Variants in SPIDR observed in about 807,000 individuals in gnomAD.
SPIDR encodes DNA repair-scaffolding protein.
A neutral mutation model predicts 104.6 loss-of-function variants in SPIDR; 93 were observed. That is an observed-to-expected ratio of 0.89 (90% confidence interval 0.75 to 1.06). The LOEUF (loss-of-function observed/expected upper bound fraction) is 1.06, where lower values mean the gene tolerates loss of function less well. SPIDR is among the 50% of genes least tolerant of loss of function. SPIDR has a pLI of 0.00. For synonymous variants in SPIDR, 431 were observed against 416.9 expected, an observed-to-expected ratio of 1.03 and a Z score of -0.41; for missense variants, 1,154 against 1,111.2, an observed-to-expected ratio of 1.04 and a Z score of -0.55.
At chr8:47,554,153 C>G (rs1212336299) in intron 8 of SPIDR, among the ~76,000 whole-genome samples, 1 of 152,182 alleles carries the variant, frequency 6.6e-6, no homozygotes, top group Non-Finnish European at 1.5e-5. Context: ...AGGTTTCAGT[C>G]TGCCCCTACT....
At chr8:47,730,512 G>A (rs559789908) in intron 19 of SPIDR, among the ~76,000 whole-genome samples, 14 of 152,338 alleles carry the variant, frequency 9.2e-5, no homozygotes, top group Admixed American at 3.3e-4. Context: ...TGGGGAGGCC[G>A]ATCATGCCTG....
chr8:47,710,470 C>CTT (rs879756213), intron 14 of SPIDR, among the ~76,000 whole-genome samples: 21 of 142,958 alleles, frequency 1.5e-4, no homozygotes, highest in African/African-American at 3.8e-4. Flanking sequence ...AAATATTCAC[C>CTT]TTTTTTTTTT....
intron 10 of SPIDR, among the ~76,000 whole-genome samples, chr8:47,626,827 T>C (rs1162473954): frequency 6.6e-6 from 1 of 152,180 alleles, no homozygotes; most frequent in African/African-American, 2.4e-5. Context: ...GAAGTCAGTG[T>C]GGCGATTCCT....
At chr8:47,454,471 C>G (rs961192443) in intron 8 of SPIDR, among the ~76,000 whole-genome samples, 15 of 150,882 alleles carry the variant, frequency 9.9e-5, no homozygotes, top group African/African-American at 2.9e-4. Flanking sequence ...ACACCAGGGC[C>G]TGTGGTGGGG....
intron 9 of SPIDR, 90 bp from the exon 10 acceptor site, chr8:47,598,849 AAGGATGT>A: frequency 6.7e-7 from 1 of 1,491,994 alleles, no homozygotes; most frequent in Non-Finnish European, 9.2e-7. Context: ...GTGGCTGCTT[AAGGATGT>A]CATTATTTGG....
rs1317837255 is a variant in SPIDR at position 47,386,906 on chromosome 8, TATAG to T, written c.526-9466_526-9463del. ...AGAGAGAGAGAAAGAGAGAGAGAGA[TATAG>T]ATATAGATATAGATATAGATATAGA... On this transcript the variant is annotated intron_variant, in intron 5 of 19. Coordinates refer to ENST00000297423, the MANE Select transcript of SPIDR (RefSeq NM_001080394.4). 1.6e-3 allele frequency among the ~76,000 whole-genome samples: 52 copies of T among 31,704 alleles called. 1 individual carries two copies. Among genetic ancestry groups the T allele is most frequent in the East Asian group, 4.8e-3 (6 of 1,238 alleles). 20.8% of individuals were successfully genotyped at this position (31,704 alleles called of 152,430 possible). A position where few individuals can be genotyped will look rare whatever the true frequency, so the allele number is the denominator to read the frequency against.
chr8:47,293,006 A>T (rs1481364354), intron 4 of SPIDR, among the ~76,000 whole-genome samples: 1 of 151,934 alleles, frequency 6.6e-6, no homozygotes, highest in East Asian at 1.9e-4. Context: ...CAACCTGGAA[A>T]ATCTCTAATG....
chr8:47,710,473 T>C (rs1021082932), intron 14 of SPIDR, among the ~76,000 whole-genome samples: 1 of 151,302 alleles, frequency 6.6e-6, no homozygotes, highest in African/African-American at 2.4e-5. Flanking sequence ...TATTCACCTT[T>C]TTTTTTTTTT....
At chr8:47,402,070 C>G (rs1272651467) in intron 6 of SPIDR, among the ~76,000 whole-genome samples, 2 of 152,186 alleles carry the variant, frequency 1.3e-5, no homozygotes, top group African/African-American at 4.8e-5. Flanking sequence ...CCAAAATTCA[C>G]CACATAGTTG....
intron 5 of SPIDR, among the ~76,000 whole-genome samples, chr8:47,324,151 C>T (rs188457347): frequency 4.1e-4 from 63 of 152,112 alleles, no homozygotes; most frequent in African/African-American, 1.3e-3. Flanking sequence ...TCATTTAATT[C>T]TTACCATTCT....
chr8:47,309,310 G>T (rs2043691207), intron 5 of SPIDR, among the ~76,000 whole-genome samples: 2 of 152,166 alleles, frequency 1.3e-5, no homozygotes, highest in Admixed American at 1.3e-4. Context: ...AAAGGTTGGA[G>T]ATTTTATTGA....
intron 7 of SPIDR, among the ~76,000 whole-genome samples, chr8:47,424,677 AAAG>A (rs1277448703): frequency 2.0e-5 from 3 of 152,222 alleles, no homozygotes; most frequent in African/African-American, 7.2e-5. Context: ...AGTAAAGAAA[AAAG>A]AAGAACCAGT....
In SPIDR at chr8:47,293,867, A is replaced by G; in HGVS notation, c.362A>G (p.Asp121Gly). ...EDKTLSQLQR[D>G]ELQFIDWEID... ...GCAAGTTAAAAATTATATTTTTTAG[A>G]TGAATTACAGTTTATCGACTGGGAG... is the stretch of plus-strand genomic sequence containing the variant. Residue 121 changes from aspartate (D) to glycine (G), a missense_variant and splice_region_variant, in exon 5 of 20, where the codon GAT becomes GGT. By Grantham distance (94) the Asp-to-Gly change is moderately conservative (BLOSUM62 -1). Transcript: ENST00000297423. 1.3e-6 allele frequency: 2 copies of G among 1,599,496 alleles called. No individual in the cohort carries two copies. The highest frequency in any genetic ancestry group is 2.7e-5 in the African/African-American group (2 of 74,200).
chr8:47,376,743 A>C (rs1386292563), intron 5 of SPIDR, among the ~76,000 whole-genome samples: 1 of 152,202 alleles, frequency 6.6e-6, no homozygotes, highest in Non-Finnish European at 1.5e-5. Flanking sequence ...TAGCATATCA[A>C]GGTACATTGA....
chr8:47,596,140 A>G (rs886557249), intron 9 of SPIDR, 134 bp downstream of exon 9: 3 of 706,898 alleles, frequency 4.2e-6, no homozygotes, highest in Admixed American at 3.0e-5. Flanking sequence ...TGTATGCTGC[A>G]TGAACTTACT....
intron 10 of SPIDR, among the ~76,000 whole-genome samples, chr8:47,626,050 A>G (rs2066040756): frequency 1.3e-5 from 2 of 152,206 alleles, no homozygotes; most frequent in Non-Finnish European, 2.9e-5. Flanking sequence ...ATATAGACCA[A>G]TGGAACAGAA....
chr8:47,457,667 G>A (rs567387263), intron 8 of SPIDR, among the ~76,000 whole-genome samples: 10 of 151,972 alleles, frequency 6.6e-5, no homozygotes, highest in African/African-American at 2.2e-4. Context: ...CTTTGTCTAA[G>A]CCCATGTCTA....
chr8:47,261,009 A>G lies in SPIDR; in HGVS notation c.33+18A>G. 8.1e-7 allele frequency: 1 copy of G among 1,227,284 alleles called. No homozygotes were observed. Among genetic ancestry groups the G allele is most frequent in the Middle Eastern group, 3.1e-4 (1 of 3,208 alleles). 76.0% of individuals were successfully genotyped at this position (1,227,284 alleles called of 1,614,324 possible). A position where few individuals can be genotyped will look rare whatever the true frequency, so the allele number is the denominator to read the frequency against. The stretch of plus-strand genomic sequence containing the variant: ...GCTCTAAGGTAGGCTCTGGGGCGGG[A>G]GTGGGCGCCGCGCCGTTTCCCGCGT... On this transcript the variant is annotated intron_variant, in intron 1 of 19. Coordinates refer to ENST00000297423, the MANE Select transcript of SPIDR (RefSeq NM_001080394.4).
chr8:47,537,964 G>T (rs1352146893), intron 8 of SPIDR, among the ~76,000 whole-genome samples: 1 of 152,034 alleles, frequency 6.6e-6, no homozygotes, highest in Non-Finnish European at 1.5e-5. Flanking sequence ...ATCATTTGAG[G>T]TCAGGAGTTC....
Sources: allele counts gnomAD v4.1 joint callset (sites outside exome capture counted in the v4.1 genomes callset), GRCh38; gene constraint gnomAD v4.1.1; transcripts MANE v1.5; gene names NCBI Gene and HGNC (gene_info 2026-07-23, HGNC 2026-07-21).